EBF3: variants seen among roughly 807,000 people sequenced by gnomAD.
EBF3 encodes the protein EBF transcription factor 3.
A neutral mutation model predicts 77.1 loss-of-function variants in EBF3; 18 were observed. That is an observed-to-expected ratio of 0.23 (90% CI 0.16 to 0.35). The LOEUF (loss-of-function observed/expected upper bound fraction) is 0.35, where lower values mean the gene tolerates loss of function less well. Ranked by LOEUF, EBF3 falls within the 10% of genes least tolerant of loss-of-function variation. The pLI is 1.00. For synonymous variants in EBF3, 350 were observed against 343.5 expected (o/e 1.02, Z -0.21); for missense variants, 558 against 860.0 (o/e 0.65, Z 4.39).
chr10:129,945,752 T>G (rs1858162429), intron 6 of EBF3, among the ~76,000 whole-genome samples: 1 of 152,188 alleles, frequency 6.6e-6, no homozygotes, highest in Admixed American at 6.5e-5. Context: ...CATATTTCCT[T>G]GGAATTGCAG....
At chr10:129,931,334 T>C (rs527794957) in intron 6 of EBF3, among the ~76,000 whole-genome samples, 2 of 152,260 alleles carry the variant, frequency 1.3e-5, no homozygotes, top group Admixed American at 1.3e-4. Flanking sequence ...CTAACATTTT[T>C]CTGGGATCCA....
chr10:129,938,890 C>A lies in EBF3; in HGVS notation c.554+18368G>T, dbSNP rs1386623045. ...GGCCTTCTGGATCCAGTCAGACTGC[C>A]AAGGCCAAAGTGACCAGTTGGCATC... On this transcript the variant is annotated intron_variant, in intron 6 of 16. Transcript: ENST00000440978. This position sits in a 1 kb window ranked among gnomAD's most constrained non-coding sequence, Gnocchi z 5.1. Among the ~76,000 whole-genome samples, 2 of 152,202 alleles carry A rather than the reference C, an allele frequency of 1.3e-5. No homozygotes were observed. The highest frequency in any genetic ancestry group is 1.5e-5 in the Non-Finnish European group (1 of 68,028).
At chr10:129,918,593 C>T (rs187025059) in intron 6 of EBF3, among the ~76,000 whole-genome samples, 1 of 152,328 alleles carries the variant, frequency 6.6e-6, no homozygotes, top group Admixed American at 6.5e-5. Context: ...CAGACGGAAC[C>T]CTGTGTGTTC....
intron 6 of EBF3, among the ~76,000 whole-genome samples, chr10:129,913,491 C>T (rs1351860888): frequency 6.6e-6 from 1 of 152,264 alleles, no homozygotes; most frequent in Non-Finnish European, 1.5e-5. Context: ...CATATGTGGG[C>T]CTGAGCAGTA....
At chr10:129,902,127 G>C (rs1054649109) in intron 6 of EBF3, among the ~76,000 whole-genome samples, 13 of 152,098 alleles carry the variant, frequency 8.5e-5, no homozygotes, top group South Asian at 8.3e-4. Flanking sequence ...AATTAGAAGT[G>C]AGTTTACTTC....
chr10:129,916,901 G>C (rs1385698809), intron 6 of EBF3, among the ~76,000 whole-genome samples: 1 of 152,158 alleles, frequency 6.6e-6, no homozygotes, highest in East Asian at 1.9e-4. Flanking sequence ...TTCCTGCAGG[G>C]GTGGGAATGA....
Position 129,848,490 on chromosome 10 carries a change from G to T in EBF3, c.1040-10C>A, listed in dbSNP as rs945359404. 1 of 1,613,972 alleles carries T rather than the reference G, an allele frequency of 6.2e-7. No individual in the cohort carries two copies. The highest frequency in any genetic ancestry group is 8.5e-7 in the Non-Finnish European group (1 of 1,179,822). On this transcript the variant is annotated splice_polypyrimidine_tract_variant and intron_variant, in intron 10 of 16. Transcript: ENST00000440978. The surrounding 1 kb of genome is among the most constrained non-coding windows in gnomAD (Gnocchi z 4.4). ...GTTGGTTCATTAAGGGCTGCAACAG[G>T]ACACAGAAATGTAGATCAGGTTAAT...
At chr10:129,923,162 G>GGCCACAA (rs1397341415) in intron 6 of EBF3, among the ~76,000 whole-genome samples, 1 of 152,228 alleles carries the variant, frequency 6.6e-6, no homozygotes, top group Non-Finnish European at 1.5e-5. Context: ...CGCAGCAGCA[G>GGCCACAA]GCCACAGTCC....
chr10:129,868,007 A>G (rs12264918), intron 8 of EBF3, 95 bp from the exon 9 acceptor site: 198,024 of 1,533,090 alleles, frequency 0.13, 14,847 homozygotes, highest in African/African-American at 0.28. Context: ...CCACCGCGGG[A>G]GGAGAGGCGC....
Position 129,837,031 on chromosome 10 carries a change from GTC to G in EBF3, c.*910_*911del, listed in dbSNP as rs1384942912. The G allele has an allele frequency of 6.6e-6, 1 of 152,546 alleles. No individual in the cohort carries two copies. The highest frequency in any genetic ancestry group is 1.9e-4 in the East Asian group (1 of 5,196). The allele number at this position is 152,546 out of a possible 1,614,324, so 9.4% of individuals were successfully genotyped here. ...CTACAACTTTGGCAAAATCACAAAA[GTC>G]TACAATTTTATAACCACATACAAAA... On this transcript the variant is annotated 3_prime_UTR_variant, in exon 17 of 17. Coordinates refer to ENST00000440978, the MANE Select transcript of EBF3 (RefSeq NM_001375380.1).
chr10:129,840,692 A>T, intron 14 of EBF3, 152 bp downstream of exon 14: 1 of 1,208,564 alleles, frequency 8.3e-7, no homozygotes, highest in Non-Finnish European at 1.1e-6. Context: ...GTTTTGGGTC[A>T]ATTTACGGTC....
At chr10:129,890,149 A>G (rs1853920493) in intron 6 of EBF3, among the ~76,000 whole-genome samples, 1 of 152,108 alleles carries the variant, frequency 6.6e-6, no homozygotes, top group Non-Finnish European at 1.5e-5. Context: ...TCAGATAATG[A>G]AAATTTTTTC....
rs544964621 is a variant in EBF3 at position 129,935,044 on chromosome 10, C to T, written c.554+22214G>A. 6.6e-6 allele frequency among the ~76,000 whole-genome samples: 1 copy of T among 152,292 alleles called. No homozygotes were observed. The highest frequency in any genetic ancestry group is 2.4e-5 in the African/African-American group (1 of 41,558). On this transcript the variant is annotated intron_variant, in intron 6 of 16. Coordinates refer to ENST00000440978, the MANE Select transcript of EBF3 (RefSeq NM_001375380.1). This position sits in a 1 kb window ranked among gnomAD's most constrained non-coding sequence, Gnocchi z 4.2. ...TAACAAGTAATGTTTAAGATAAGTA[C>T]ATCCCAAATATCTCATGGGATGTAC...
intron 10 of EBF3, among the ~76,000 whole-genome samples, chr10:129,852,653 C>T (rs771025236): frequency 3.9e-5 from 6 of 152,100 alleles, no homozygotes; most frequent in African/African-American, 4.8e-5. Flanking sequence ...AACTTATAAA[C>T]GTCATTCAAT....
intron 6 of EBF3, among the ~76,000 whole-genome samples, chr10:129,925,745 A>C (rs770678613): frequency 3.9e-5 from 6 of 152,192 alleles, no homozygotes; most frequent in Non-Finnish European, 8.8e-5. Context: ...AAAATTGGAA[A>C]AAAAAATAAA....
At chr10:129,888,081 G>A (rs1853736843) in intron 6 of EBF3, among the ~76,000 whole-genome samples, 1 of 152,228 alleles carries the variant, frequency 6.6e-6, no homozygotes, top group Admixed American at 6.5e-5. Context: ...TGAATTTCTT[G>A]CACAGGGAGA....
intron 7 of EBF3, among the ~76,000 whole-genome samples, chr10:129,875,674 T>C (rs1225672036): frequency 6.6e-6 from 1 of 152,256 alleles, no homozygotes; most frequent in African/African-American, 2.4e-5. Context: ...CAAAAGGTTA[T>C]AAGTGCTGGC....
chr10:129,925,847 G>A (rs1274868909), intron 6 of EBF3, among the ~76,000 whole-genome samples: 4 of 152,126 alleles, frequency 2.6e-5, no homozygotes, highest in African/African-American at 9.7e-5. Context: ...TCCTTCCGCT[G>A]GTCTAGTGCA....
intron 6 of EBF3, among the ~76,000 whole-genome samples, chr10:129,892,404 G>A (rs1463320431): frequency 6.6e-6 from 1 of 152,248 alleles, no homozygotes; most frequent in African/African-American, 2.4e-5. Flanking sequence ...TAGGAGCCAA[G>A]TGCAATGAGC....
Sources: allele counts gnomAD v4.1 joint callset (sites outside exome capture counted in the v4.1 genomes callset), GRCh38; gene constraint gnomAD v4.1.1; non-coding constraint Gnocchi (gnomAD v3.1); transcripts MANE v1.5; gene names NCBI Gene and HGNC (gene_info 2026-07-23, HGNC 2026-07-21).